Variants in CCNJL observed in about 807,000 individuals in gnomAD.
CCNJL encodes cyclin-J-like protein.
Under a neutral mutation model 33.4 loss-of-function variants are expected in CCNJL, and 33 were observed. The ratio of observed to expected loss-of-function variants is 0.99; its 90% CI spans 0.75 to 1.32. The LOEUF is 1.32. Among genes scored for constraint, CCNJL ranks in the 40% most tolerant of loss-of-function variants. The probability of loss-of-function intolerance (pLI) is 0.00; values close to 1 mark genes in which losing one functional copy is unlikely to be tolerated. For synonymous variants in CCNJL, 227 were observed against 220.9 expected, an observed-to-expected ratio of 1.03 and a Z score of -0.24; for missense variants, 512 against 499.7, an observed-to-expected ratio of 1.02 and a Z score of -0.23.
chr5:160,291,879 T>C (rs1762594814), intron 2 of CCNJL, among the ~76,000 whole-genome samples: 1 of 152,128 alleles, frequency 6.6e-6, no homozygotes, highest in African/African-American at 2.4e-5. Context: ...CCATCTCTTA[T>C]ATATTATGTA....
intron 2 of CCNJL, among the ~76,000 whole-genome samples, chr5:160,303,704 G>C (rs900703433): frequency 6.8e-5 from 6 of 88,180 alleles, no homozygotes; most frequent in African/African-American, 2.3e-4. Context: ...GTGTGTCTGT[G>C]TGTGTGTGTG....
upstream of CCNJL, among the ~76,000 whole-genome samples, chr5:160,316,238 A>C (rs1384202476): frequency 1.3e-5 from 2 of 152,158 alleles, no homozygotes; most frequent in African/African-American, 4.8e-5. Context: ...CACTTCTCCC[A>C]TCCACCCCCA....
At chr5:160,325,666 A>T (rs1362876352) in intron 1 of CCNJL, among the ~76,000 whole-genome samples, 2 of 152,214 alleles carry the variant, frequency 1.3e-5, no homozygotes. Flanking sequence ...GTATACACAT[A>T]TTTGAGGCAA....
chr5:160,279,093 A>T (rs897890491), intron 3 of CCNJL, among the ~76,000 whole-genome samples: 5 of 152,098 alleles, frequency 3.3e-5, no homozygotes, highest in Admixed American at 1.3e-4. Context: ...AATTCTGAAA[A>T]CTCTAAATCT....
At chr5:160,290,892 G>A (rs1406141570) in intron 2 of CCNJL, among the ~76,000 whole-genome samples, 2 of 152,000 alleles carry the variant, frequency 1.3e-5, no homozygotes, top group Non-Finnish European at 2.9e-5. Flanking sequence ...CAGTACTCAT[G>A]AAGACCAGCG....
At chr5:160,339,129 C>T (rs969841489) in intron 1 of CCNJL, among the ~76,000 whole-genome samples, 1 of 152,076 alleles carries the variant, frequency 6.6e-6, no homozygotes, top group Non-Finnish European at 1.5e-5. Flanking sequence ...CAAAATTAAC[C>T]ACAGTGCCAT....
Position 160,252,306 on chromosome 5 carries a change from C to T in CCNJL, c.*1072G>A, listed in dbSNP as rs1469106987. The stretch of plus-strand genomic sequence containing the variant: ...AAACGCCCATGTACATCCCACTCCC[C>T]AAATACAGGTGGGACTAAGCAAATT... On this transcript the variant is annotated 3_prime_UTR_variant, in exon 6 of 6. Coordinates refer to ENST00000257536, the MANE Select transcript of CCNJL (RefSeq NM_001308173.3). The T allele has an allele frequency of 1.3e-5, 2 of 152,638 alleles. No individual in the cohort carries two copies. The highest frequency in any genetic ancestry group is 3.8e-4 in the East Asian group (2 of 5,202). The allele number at this position is 152,638 out of a possible 1,614,324, so 9.5% of individuals were successfully genotyped here.
At chr5:160,284,185 C>T (rs1762333272) in intron 2 of CCNJL, among the ~76,000 whole-genome samples, 1 of 151,916 alleles carries the variant, frequency 6.6e-6, no homozygotes, top group East Asian at 1.9e-4. Context: ...AACCCCATTT[C>T]CACAAAAGAT....
At chr5:160,279,274 A>G (rs946922261) in intron 3 of CCNJL, among the ~76,000 whole-genome samples, 1 of 152,240 alleles carries the variant, frequency 6.6e-6, no homozygotes, top group African/African-American at 2.4e-5. Context: ...CATATCTCAG[A>G]GGAGAATGTA....
At chr5:160,293,679 C>T (rs1464481983) in intron 2 of CCNJL, among the ~76,000 whole-genome samples, 1 of 152,184 alleles carries the variant, frequency 6.6e-6, no homozygotes, top group Non-Finnish European at 1.5e-5. Context: ...CATTTGCTAT[C>T]TCCCCACACC....
rs773517273 is a variant in CCNJL at position 160,280,626 on chromosome 5, C to G, written c.179G>C (p.Arg60Pro). 4 of 1,613,550 alleles carry G rather than the reference C, an allele frequency of 2.5e-6. No homozygotes were observed. The highest frequency in any genetic ancestry group is 2.5e-6 in the Non-Finnish European group (3 of 1,179,948). ...GTCCAGCAGGTAGACGGCCAGGTGC[C>G]GGGCTGCAGGGCAGAGCTGGCAGTG... ...SSHCQLCPAARHLAVYLLDHF... is the reference protein window; with the variant it reads ...SSHCQLCPAAPHLAVYLLDHF... The change falls in exon 3 of 6, where the codon CGG becomes CCG. Residue 60 changes from arginine (R) to proline (P), a missense_variant. Arg to Pro is a moderately radical substitution (Grantham distance 103, BLOSUM62 -2). Transcript: ENST00000257536.
At chr5:160,325,388 G>C (rs1233575998) in intron 1 of CCNJL, among the ~76,000 whole-genome samples, 2 of 152,058 alleles carry the variant, frequency 1.3e-5, no homozygotes, top group Non-Finnish European at 2.9e-5. Context: ...CTTATCGCCT[G>C]TTGCTCCCTG....
intron 1 of CCNJL, among the ~76,000 whole-genome samples, chr5:160,331,767 C>T (rs958863016): frequency 3.3e-5 from 5 of 152,190 alleles, no homozygotes; most frequent in African/African-American, 7.2e-5. Flanking sequence ...ATACTAATGG[C>T]CTTCCAGTAA....
At chr5:160,330,106 C>T (rs1311347679) in intron 1 of CCNJL, among the ~76,000 whole-genome samples, 1 of 152,088 alleles carries the variant, frequency 6.6e-6, no homozygotes, top group African/African-American at 2.4e-5. Flanking sequence ...CCTCATGTCC[C>T]GCCTTGCCAT....
chr5:160,302,283 C>T (rs980933888), intron 2 of CCNJL, among the ~76,000 whole-genome samples: 1 of 151,898 alleles, frequency 6.6e-6, no homozygotes, highest in African/African-American at 2.4e-5. Flanking sequence ...TTATTTAGCA[C>T]GTGCAGTTAA....
chr5:160,262,474 G>A (rs951990436), intron 3 of CCNJL, among the ~76,000 whole-genome samples: 3 of 152,168 alleles, frequency 2.0e-5, no homozygotes, highest in Admixed American at 6.5e-5. Context: ...AGTTTGCCCT[G>A]GACCTACGAG....
rs993841807 is a variant in CCNJL at position 160,253,262 on chromosome 5, G to A, written c.*116C>T. 7.1e-6 allele frequency: 7 copies of A among 986,542 alleles called. No individual in the cohort carries two copies. Among genetic ancestry groups the A allele is most frequent in the African/African-American group, 1.6e-5 (1 of 61,418 alleles). 61.1% of individuals were successfully genotyped at this position (986,542 alleles called of 1,614,324 possible). Reference sequence around the variant, plus strand: ...TTTAAAAGGAGCACAGACCCTCCACGTTCCAAGGCTCTTCAGGGATGGCCT... The same window carrying A: ...TTTAAAAGGAGCACAGACCCTCCACATTCCAAGGCTCTTCAGGGATGGCCT... On this transcript the variant is annotated 3_prime_UTR_variant, in exon 6 of 6. Coordinates refer to ENST00000257536, the MANE Select transcript of CCNJL (RefSeq NM_001308173.3).
chr5:160,312,600 T>G (rs1763312346), upstream of CCNJL: 1 of 151,434 alleles, frequency 6.6e-6, no homozygotes, highest in Non-Finnish European at 1.5e-5. Flanking sequence ...CTGGGGGAAT[T>G]GGGGGCCGGG....
intron 2 of CCNJL, among the ~76,000 whole-genome samples, chr5:160,297,978 G>A (rs1382091179): frequency 6.6e-6 from 1 of 152,154 alleles, no homozygotes; most frequent in Non-Finnish European, 1.5e-5. Context: ...CTGCTTGAGG[G>A]GAAGTCCATG....
Sources: gnomAD v4.1 joint callset for allele counts (sites outside exome capture counted in the v4.1 genomes callset) on GRCh38, gnomAD v4.1.1 for gene constraint, MANE v1.5 for transcripts, NCBI Gene and HGNC (gene_info 2026-07-23, HGNC 2026-07-21) for gene names.